FHIP1A: variants seen among roughly 807,000 people sequenced by gnomAD.
FHIP1A encodes FHF complex subunit HOOK interacting protein 1A.
A neutral mutation model predicts 88.6 loss-of-function variants in FHIP1A; 61 were observed. The observed-to-expected ratio is 0.69, with a 90% CI of 0.56 to 0.85. FHIP1A has a LOEUF of 0.85. Among genes scored for constraint, FHIP1A ranks in the 40% least tolerant of loss-of-function variants. The pLI, the probability that FHIP1A is intolerant of heterozygous loss-of-function variation, is 0.00. For missense variants in FHIP1A, 1,154 were observed against 1,273.5 expected (o/e 0.91, Z 1.43); for synonymous variants, 478 against 496.0 (o/e 0.96, Z 0.48).
intron 3 of FHIP1A, among the ~76,000 whole-genome samples, chr4:151,487,249 T>G (rs1356872207): frequency 1.3e-5 from 2 of 152,212 alleles, no homozygotes; most frequent in African/African-American, 2.4e-5. Context: ...ATTCATATTT[T>G]TGTTTTTTTC....
At chr4:151,579,271 C>T (rs888775506) in intron 5 of FHIP1A, among the ~76,000 whole-genome samples, 4 of 152,260 alleles carry the variant, frequency 2.6e-5, no homozygotes, top group East Asian at 1.9e-4. Flanking sequence ...TAATGTGTCA[C>T]TGTGAGTTCA....
chr4:151,421,630 T>C (rs148591065), intron 1 of FHIP1A, among the ~76,000 whole-genome samples: 3 of 152,244 alleles, frequency 2.0e-5, no homozygotes, highest in African/African-American at 7.2e-5. Flanking sequence ...ATTTGTTGAA[T>C]TGAGTTGGGG....
chr4:151,603,034 C>G (rs1439722231), intron 7 of FHIP1A, among the ~76,000 whole-genome samples: 2 of 152,116 alleles, frequency 1.3e-5, no homozygotes, highest in Admixed American at 6.5e-5. Flanking sequence ...GGATTGTGGC[C>G]AGTCGCGGTG....
rs1236490312 is a variant in FHIP1A at position 151,577,766 on chromosome 4, A to C, written c.422A>C (p.Lys141Thr). ...CTGCTGCACCACAAACCCATTCTGA[A>C]GCCTCTGATGATGTTGCTGAGCTCT... is the stretch of plus-strand genomic sequence containing the variant. ...QPLLHHKPILKPLMMLLSSCS... is the reference protein window; with the variant it reads ...QPLLHHKPILTPLMMLLSSCS... Residue 141 changes from lysine to threonine, a missense_variant, in exon 5 of 14, where the codon AAG becomes ACG. Physicochemically the swap from Lys to Thr is moderately conservative, Grantham distance 78. Transcript: ENST00000435205. 2.8e-5 allele frequency: 43 copies of C among 1,551,822 alleles called. No individual in the cohort carries two copies. The highest frequency in any genetic ancestry group is 3.5e-5 in the Non-Finnish European group (40 of 1,147,042).
intron 1 of FHIP1A, among the ~76,000 whole-genome samples, chr4:151,415,102 A>G (rs958485062): frequency 2.0e-5 from 3 of 151,840 alleles, no homozygotes; most frequent in Non-Finnish European, 4.4e-5. Context: ...AAATGTTTTT[A>G]TGACCATACA....
intron 1 of FHIP1A, among the ~76,000 whole-genome samples, chr4:151,414,074 G>A (rs1478905948): frequency 1.0e-4 from 15 of 148,822 alleles, no homozygotes; most frequent in Admixed American, 8.7e-4. Flanking sequence ...TTTTTGAGAC[G>A]GAGTCTCACT....
intron 2 of FHIP1A, among the ~76,000 whole-genome samples, chr4:151,476,860 A>G (rs969805467): frequency 6.9e-6 from 1 of 145,064 alleles, no homozygotes; most frequent in African/African-American, 2.5e-5. Flanking sequence ...ATAACCAGTT[A>G]GAAGATATAT....
chr4:151,579,629 TTAAAA>T (rs1733948630), intron 5 of FHIP1A, among the ~76,000 whole-genome samples: 1 of 152,136 alleles, frequency 6.6e-6, no homozygotes, highest in Non-Finnish European at 1.5e-5. Flanking sequence ...ATAAGATATC[TTAAAA>T]TAAATCCAAC....
intron 3 of FHIP1A, among the ~76,000 whole-genome samples, chr4:151,498,016 T>C (rs1432946132): frequency 6.6e-6 from 1 of 152,170 alleles, no homozygotes; most frequent in Non-Finnish European, 1.5e-5. Context: ...AGAATCCCCC[T>C]ACCCTCAATG....
intron 7 of FHIP1A, among the ~76,000 whole-genome samples, chr4:151,602,404 C>T (rs181502343): frequency 1.2e-3 from 180 of 152,226 alleles, no homozygotes; most frequent in Non-Finnish European, 1.4e-3. Context: ...ATGAAGGTGG[C>T]TGAAAAACTC....
At chr4:151,487,099 C>A (rs896579350) in intron 3 of FHIP1A, among the ~76,000 whole-genome samples, 2 of 152,056 alleles carry the variant, frequency 1.3e-5, no homozygotes, top group Admixed American at 1.3e-4. Flanking sequence ...CTAGGTAATT[C>A]TTTCAAATAG....
At chr4:151,556,627 G>A (rs1732956734) in intron 3 of FHIP1A, among the ~76,000 whole-genome samples, 1 of 152,112 alleles carries the variant, frequency 6.6e-6, no homozygotes, top group South Asian at 2.1e-4. Flanking sequence ...TCTGAAGAGA[G>A]CTCCAGTTTT....
chr4:151,480,782 C>G (rs11724195), intron 2 of FHIP1A, among the ~76,000 whole-genome samples: 54,634 of 151,692 alleles, frequency 0.36, 10,286 homozygotes, highest in Non-Finnish European at 0.43. Flanking sequence ...TGCCTTGCCA[C>G]TGCTACTCCT....
intron 7 of FHIP1A, among the ~76,000 whole-genome samples, chr4:151,626,826 G>A (rs1230700349): frequency 2.6e-5 from 4 of 152,174 alleles, no homozygotes; most frequent in Non-Finnish European, 5.9e-5. Flanking sequence ...TTCCAGTCTT[G>A]CTAACACTTC....
At chr4:151,478,598 G>A (rs943180921) in intron 2 of FHIP1A, among the ~76,000 whole-genome samples, 25 of 152,030 alleles carry the variant, frequency 1.6e-4, no homozygotes, top group African/African-American at 5.8e-4. Flanking sequence ...ATCAATACTA[G>A]CTGTGCAAAC....
intron 1 of FHIP1A, among the ~76,000 whole-genome samples, chr4:151,448,544 C>G (rs961141409): frequency 6.6e-6 from 1 of 152,166 alleles, no homozygotes; most frequent in Non-Finnish European, 1.5e-5. Context: ...TACCTCTAGA[C>G]TAGAATCATA....
At chr4:151,535,670 A>G (rs1732043366) in intron 3 of FHIP1A, among the ~76,000 whole-genome samples, 1 of 152,380 alleles carries the variant, frequency 6.6e-6, no homozygotes, top group South Asian at 2.1e-4. Context: ...CAGTTTAATG[A>G]AACATTGGGA....
chr4:151,587,589 C>T (rs926776748), intron 6 of FHIP1A, among the ~76,000 whole-genome samples: 2 of 150,350 alleles, frequency 1.3e-5, no homozygotes, highest in South Asian at 2.1e-4. Flanking sequence ...CATATGTATA[C>T]ATGTGTCATT....
chr4:151,558,438 G>C lies in FHIP1A; in HGVS notation c.-122-7700G>C, dbSNP rs965986123. On this transcript the variant is annotated intron_variant, in intron 3 of 13. Transcript: ENST00000435205. ...GTATTCCCAGCTACTCGGAGGCTGA[G>C]GCATGAGAATCGCTTGAACCCAGGA... is the stretch of plus-strand genomic sequence containing the variant. 4.6e-5 allele frequency among the ~76,000 whole-genome samples: 7 copies of C among 152,134 alleles called. No individual in the cohort carries two copies. In the South Asian group the frequency reaches 1.5e-3, roughly 32 times the overall value.
Sources: allele counts gnomAD v4.1 joint callset (sites outside exome capture counted in the v4.1 genomes callset), GRCh38; gene constraint gnomAD v4.1.1; transcripts MANE v1.5; gene names NCBI Gene and HGNC (gene_info 2026-07-23, HGNC 2026-07-21).